Variants in XIRP2 observed in about 807,000 individuals in gnomAD.
XIRP2 encodes xin actin binding repeat containing 2.
XIRP2 carries 236 observed loss-of-function variants against 277.0 expected under a neutral mutation model. That is an observed-to-expected ratio of 0.85 (90% CI 0.77 to 0.95). XIRP2 has a LOEUF of 0.95. XIRP2 is among the 40% of genes least tolerant of loss of function. The pLI, the probability that XIRP2 is intolerant of heterozygous loss-of-function variation, is 0.00. For synonymous variants in XIRP2, 1,490 were observed against 1,416.5 expected (o/e 1.05, Z -1.17); for missense variants, 4,640 against 4,157.5 (o/e 1.12, Z -3.19).
intron 3 of XIRP2, among the ~76,000 whole-genome samples, chr2:167,160,985 C>T (rs1029895914): frequency 6.6e-6 from 1 of 152,116 alleles, no homozygotes; most frequent in Non-Finnish European, 1.5e-5. Context: ...GAGAAATTGG[C>T]CAAAACAAAG....
At chr2:167,200,561 C>T (rs1693652710) in intron 3 of XIRP2, among the ~76,000 whole-genome samples, 2 of 152,196 alleles carry the variant, frequency 1.3e-5, no homozygotes, top group African/African-American at 4.8e-5. Flanking sequence ...TGGTTCACGG[C>T]CTAGTGCCAA....
chr2:166,891,477 A>T (rs1684103247), intron 1 of XIRP2, among the ~76,000 whole-genome samples: 1 of 152,212 alleles, frequency 6.6e-6, no homozygotes. Flanking sequence ...AATTGACAAT[A>T]TATAATAATA....
intron 2 of XIRP2, among the ~76,000 whole-genome samples, chr2:167,120,066 C>T (rs904526172): frequency 3.9e-5 from 6 of 152,062 alleles, no homozygotes; most frequent in Non-Finnish European, 7.4e-5. Context: ...TGCACCAAGC[C>T]TTTAAACGAT....
chr2:167,117,903 T>C lies in XIRP2; in HGVS notation c.409-18006T>C, dbSNP rs1690939367. On this transcript the variant is annotated intron_variant, in intron 2 of 10. Transcript: ENST00000409195. ...TGCAATAAATGACCTGGCACTTTAC[T>C]TTCCGGTAAGTTGTCTCTTATACCC... is the stretch of plus-strand genomic sequence containing the variant. 6.6e-5 allele frequency among the ~76,000 whole-genome samples: 10 copies of C among 152,354 alleles called. No homozygotes were observed. In the South Asian group the frequency reaches 2.1e-3, roughly 32 times the overall value.
At chr2:167,008,474 C>T (rs1687566234) in intron 2 of XIRP2, among the ~76,000 whole-genome samples, 1 of 151,500 alleles carries the variant, frequency 6.6e-6, no homozygotes, top group African/African-American at 2.4e-5. Flanking sequence ...TCCACTCCCC[C>T]ATTTTATATA....
chr2:166,996,862 A>G (rs1325618896), intron 2 of XIRP2, among the ~76,000 whole-genome samples: 2 of 152,054 alleles, frequency 1.3e-5, no homozygotes, highest in Non-Finnish European at 2.9e-5. Context: ...TCCAGATCCC[A>G]CCTCTGTTTC....
At chr2:167,023,394 A>G (rs1258318693) in intron 2 of XIRP2, among the ~76,000 whole-genome samples, 2 of 151,598 alleles carry the variant, frequency 1.3e-5, no homozygotes, top group Non-Finnish European at 2.9e-5. Flanking sequence ...ATTTTCTCCC[A>G]TTTTGTAGGT....
rs1009637564 is a variant in XIRP2 at position 167,233,908 on chromosome 2, A to G, written c.859-5947A>G. On this transcript the variant is annotated intron_variant, in intron 5 of 10. Transcript: ENST00000409195. ...GTAAAACTTCTGAAATGCATTCTTT[A>G]TTGTGAATTGAATGTCTTTATGTAA... 2.0e-5 allele frequency among the ~76,000 whole-genome samples: 3 copies of G among 151,636 alleles called. No individual in the cohort carries two copies. In the South Asian group the frequency reaches 6.2e-4, roughly 31 times the overall value.
chr2:167,128,548 G>A (rs919262746), intron 2 of XIRP2, among the ~76,000 whole-genome samples: 10 of 152,114 alleles, frequency 6.6e-5, no homozygotes, highest in South Asian at 6.2e-4. Flanking sequence ...TTTGGTATCC[G>A]GGGCGGTCCT....
At chr2:166,894,649 T>C (rs1684194247) in intron 1 of XIRP2, among the ~76,000 whole-genome samples, 1 of 152,160 alleles carries the variant, frequency 6.6e-6, no homozygotes, top group South Asian at 2.1e-4. Flanking sequence ...GAAAACCTAC[T>C]TTTTTCAGCA....
At chr2:167,005,789 T>TAAA (rs5836128) in intron 2 of XIRP2, among the ~76,000 whole-genome samples, 2 of 147,262 alleles carry the variant, frequency 1.4e-5, no homozygotes, top group East Asian at 2.0e-4. Context: ...TCTTTATTGA[T>TAAA]AAAAAAAAAA....
chr2:167,236,240 T>TA (rs962657498), intron 5 of XIRP2, among the ~76,000 whole-genome samples: 57 of 148,144 alleles, frequency 3.8e-4, no homozygotes, highest in South Asian at 1.1e-3. Context: ...TGAGTCGCCA[T>TA]AAAAAAAAAA....
At chr2:167,102,713 A>G (rs764655735) in intron 2 of XIRP2, among the ~76,000 whole-genome samples, 1 of 152,164 alleles carries the variant, frequency 6.6e-6, no homozygotes, top group Non-Finnish European at 1.5e-5. Flanking sequence ...GGGACCATCA[A>G]TTCAATTTTC....
At chr2:167,121,218 G>A (rs1385676630) in intron 2 of XIRP2, among the ~76,000 whole-genome samples, 1 of 152,110 alleles carries the variant, frequency 6.6e-6, no homozygotes, top group Non-Finnish European at 1.5e-5. Context: ...TCCTGAAATA[G>A]ACAGAAGCCA....
Position 167,060,814 on chromosome 2 carries a change from C to T in XIRP2, c.409-75095C>T, listed in dbSNP as rs1210325871. On this transcript the variant is annotated intron_variant, in intron 2 of 10. Coordinates refer to ENST00000409195, the MANE Select transcript of XIRP2 (RefSeq NM_152381.6). ...TCAGATAGGGTAAGTCATTCTTTTT[C>T]AAAATTGATTCTGCTTTTTCAATTT... Among the ~76,000 whole-genome samples, 7 of 152,182 alleles carry T rather than the reference C, an allele frequency of 4.6e-5. No individual in the cohort carries two copies. The East Asian group carries it at 9.7e-4, about 21-fold the overall frequency.
At chr2:167,037,939 C>T (rs1688557348) in intron 2 of XIRP2, among the ~76,000 whole-genome samples, 1 of 151,322 alleles carries the variant, frequency 6.6e-6, no homozygotes, top group Non-Finnish European at 1.5e-5. Context: ...CTAGATTTTC[C>T]TTCAGTGAGC....
chr2:167,014,621 G>GA (rs1016057367), intron 2 of XIRP2, among the ~76,000 whole-genome samples: 12 of 151,198 alleles, frequency 7.9e-5, no homozygotes, highest in South Asian at 4.2e-4. Flanking sequence ...ATCAGATAGT[G>GA]AAAAAAAAGG....
At chr2:166,953,149 C>T (rs1220601680) in intron 2 of XIRP2, among the ~76,000 whole-genome samples, 1 of 151,934 alleles carries the variant, frequency 6.6e-6, no homozygotes, top group Non-Finnish European at 1.5e-5. Context: ...GTTGCATGCT[C>T]TCCAAAGTGC....
chr2:167,010,800 G>C (rs1212267500), intron 2 of XIRP2, among the ~76,000 whole-genome samples: 1 of 152,024 alleles, frequency 6.6e-6, no homozygotes, highest in African/African-American at 2.4e-5. Context: ...CTTGTAAGTT[G>C]GATTCCTAGG....
Sources: allele counts gnomAD v4.1 joint callset (sites outside exome capture counted in the v4.1 genomes callset), GRCh38; gene constraint gnomAD v4.1.1; transcripts MANE v1.5; gene names NCBI Gene and HGNC (gene_info 2026-07-23, HGNC 2026-07-21).